The following DCDC2C variants were observed in gnomAD, a reference collection of about 807,000 sequenced individuals.
DCDC2C encodes the protein doublecortin domain containing 2C, also known as doublecortin domain-containing protein 2C.
DCDC2C carries 44 observed loss-of-function variants against 45.0 expected under a neutral mutation model. The ratio of observed to expected loss-of-function variants is 0.98; its 90% CI spans 0.77 to 1.26. The LOEUF (loss-of-function observed/expected upper bound fraction) is 1.26, where lower values mean the gene tolerates loss of function less well. Ranked by LOEUF, DCDC2C falls within the 50% of genes most tolerant of loss-of-function variation. The pLI, the probability that DCDC2C is intolerant of heterozygous loss-of-function variation, is 0.00. For missense variants in DCDC2C, 447 were observed against 468.9 expected (o/e 0.95, Z 0.43); for synonymous variants, 187 against 178.8 (o/e 1.05, Z -0.37).
At chr2:3,844,721 C>T (rs1672285997) in intron 10 of DCDC2C, 2 of 152,194 alleles carry the variant, frequency 1.3e-5, no homozygotes, top group Admixed American at 1.3e-4. Flanking sequence ...ATGTTGTAAG[C>T]CGAAATTCAT....
intron 10 of DCDC2C, among the ~76,000 whole-genome samples, chr2:3,798,804 T>C (rs1247877021): frequency 2.0e-5 from 3 of 152,218 alleles, no homozygotes; most frequent in African/African-American, 7.2e-5. Context: ...GTGCTTAACA[T>C]TTTTTCCTTC....
intron 6 of DCDC2C, among the ~76,000 whole-genome samples, chr2:3,755,363 G>GTGTATGGGTGCA (rs1669666564): frequency 2.0e-5 from 3 of 152,198 alleles, no homozygotes; most frequent in Admixed American, 2.0e-4. Context: ...GTGTATGCAT[G>GTGTATGGGTGCA]TGTGTATGGG....
At chr2:3,722,951 AC>A (rs1306444499) in intron 2 of DCDC2C, among the ~76,000 whole-genome samples, 6 of 152,146 alleles carry the variant, frequency 3.9e-5, no homozygotes, top group African/African-American at 1.4e-4. Flanking sequence ...CATTGTTGGT[AC>A]CCATGGCATT....
intron 3 of DCDC2C, among the ~76,000 whole-genome samples, chr2:3,739,537 C>A (rs941332546): frequency 2.0e-5 from 3 of 152,236 alleles, no homozygotes; most frequent in African/African-American, 7.2e-5. Context: ...CAACAGGCAC[C>A]GGCACACCGG....
chr2:3,729,097 T>C (rs1372980453), intron 3 of DCDC2C, among the ~76,000 whole-genome samples: 2 of 152,258 alleles, frequency 1.3e-5, no homozygotes, highest in Non-Finnish European at 2.9e-5. Context: ...GAAAACACCC[T>C]GAGTCAGTGA....
intron 6 of DCDC2C, among the ~76,000 whole-genome samples, chr2:3,760,404 C>T (rs1669845267): frequency 1.3e-5 from 2 of 152,116 alleles, no homozygotes; most frequent in Admixed American, 6.5e-5. Flanking sequence ...GCACTATTTA[C>T]AATAGCAAGA....
intron 10 of DCDC2C, among the ~76,000 whole-genome samples, chr2:3,787,425 A>G (rs573004610): frequency 6.6e-6 from 1 of 152,346 alleles, no homozygotes; most frequent in South Asian, 2.1e-4. Flanking sequence ...GTCTGGGGAT[A>G]AATGCTGTCT....
intron 10 of DCDC2C, among the ~76,000 whole-genome samples, chr2:3,800,516 C>T (rs909898340): frequency 2.0e-5 from 3 of 152,186 alleles, no homozygotes; most frequent in Non-Finnish European, 4.4e-5. Flanking sequence ...CAAGAATTAG[C>T]AACTATAGTT....
chr2:3,819,383 G>T (rs942360368), intron 10 of DCDC2C, among the ~76,000 whole-genome samples: 118 of 152,222 alleles, frequency 7.8e-4, no homozygotes, highest in African/African-American at 2.6e-3. Context: ...GGTGGAGAAG[G>T]TCCTGTAGGA....
chr2:3,735,263 AT>A (rs962851103), intron 3 of DCDC2C, among the ~76,000 whole-genome samples: 1 of 151,274 alleles, frequency 6.6e-6, no homozygotes, highest in African/African-American at 2.4e-5. Flanking sequence ...TTAATTTTTA[AT>A]TTTTTTATTA....
chr2:3,820,552 T>C (rs1671662967), intron 10 of DCDC2C, among the ~76,000 whole-genome samples: 1 of 152,020 alleles, frequency 6.6e-6, no homozygotes, highest in African/African-American at 2.4e-5. Context: ...GGAGTGTGGG[T>C]GAATAATCAG....
intron 7 of DCDC2C, among the ~76,000 whole-genome samples, chr2:3,768,594 G>A (rs1670074960): frequency 6.6e-6 from 1 of 152,182 alleles, no homozygotes; most frequent in Non-Finnish European, 1.5e-5. Context: ...TTTATTTTGA[G>A]ATGATGCCTC....
chr2:3,833,179 G>A (rs532331844), intron 10 of DCDC2C, among the ~76,000 whole-genome samples: 6 of 152,112 alleles, frequency 3.9e-5, no homozygotes, highest in African/African-American at 1.2e-4. Context: ...TGTCTTCCTC[G>A]TCCACTTTTA....
rs1668911916 is a variant in DCDC2C, at chr2:3,732,774, G to T, written c.416+5695G>T. Among the ~76,000 whole-genome samples the T allele has an allele frequency of 2.0e-5, 3 of 152,156 alleles. No individual in the cohort carries two copies. The East Asian group carries it at 5.8e-4, about 29-fold the overall frequency. On this transcript the variant is annotated intron_variant, in intron 3 of 10. Coordinates refer to ENST00000399143, the MANE Select transcript of DCDC2C (RefSeq NM_001287444.2). ...TCTTCCTGTAGTGGTTTCAAAGGGG[G>T]GCCATTTCTGAGGAGGATGGGGTGA...
intron 4 of DCDC2C, among the ~76,000 whole-genome samples, chr2:3,745,899 G>A (rs1192757963): frequency 6.6e-6 from 1 of 150,980 alleles, no homozygotes; most frequent in African/African-American, 2.4e-5. Flanking sequence ...TTTTGGTAGA[G>A]ATGAGGTCTT....
chr2:3,779,458 A>C (rs1312419205), intron 9 of DCDC2C, among the ~76,000 whole-genome samples: 1 of 149,088 alleles, frequency 6.7e-6, no homozygotes, highest in Non-Finnish European at 1.5e-5. Flanking sequence ...GTGGTCCTCT[A>C]TGAGATTATG....
At chr2:3,774,954 G>A (rs1670289000) in intron 8 of DCDC2C, among the ~76,000 whole-genome samples, 1 of 151,992 alleles carries the variant, frequency 6.6e-6, no homozygotes, top group Admixed American at 6.5e-5. Flanking sequence ...TAGTAGAGAC[G>A]GTGTTTCACC....
At chr2:3,829,611 G>T (rs1040434411) in intron 10 of DCDC2C, among the ~76,000 whole-genome samples, 1 of 152,142 alleles carries the variant, frequency 6.6e-6, no homozygotes, top group Non-Finnish European at 1.5e-5. Flanking sequence ...ATAACAGCCT[G>T]CTCCAAGCAA....
At chr2:3,831,092 T>C (rs1671939714) in intron 10 of DCDC2C, among the ~76,000 whole-genome samples, 1 of 152,180 alleles carries the variant, frequency 6.6e-6, no homozygotes, top group Non-Finnish European at 1.5e-5. Context: ...GCTTTGGACA[T>C]ATGACTGCAC....
Sources: allele counts gnomAD v4.1 joint callset (sites outside exome capture counted in the v4.1 genomes callset), GRCh38; gene constraint gnomAD v4.1.1; transcripts MANE v1.5; gene names NCBI Gene and HGNC (gene_info 2026-07-23, HGNC 2026-07-21).